CSTPP1: variants seen among roughly 807,000 people sequenced by gnomAD.
CSTPP1 encodes the protein centriolar satellite-associated tubulin polyglutamylase complex regulator 1, also known as UPF0705 protein C11orf49.
At chr11:47,100,708 T>A in the CSTPP1 span, among the ~76,000 whole-genome samples, 1 of 152,144 alleles carries the variant, frequency 6.6e-6, no homozygotes, top group Non-Finnish European at 1.5e-5. Context: ...CAAGAATCGC[T>A]TAAACCCAGA....
the CSTPP1 span, among the ~76,000 whole-genome samples, chr11:46,938,780 C>CT: frequency 0.58 from 71,808 of 123,666 alleles, 24,099 homozygotes; most frequent in Non-Finnish European, 0.76. Flanking sequence ...TTTTCTTCTT[C>CT]TTTTTTTTTT....
chr11:47,037,964 C>G, the CSTPP1 span, among the ~76,000 whole-genome samples: 1 of 115,964 alleles, frequency 8.6e-6, no homozygotes, highest in Middle Eastern at 4.4e-3. Context: ...TAGGGGCGGC[C>G]GGGCAGAGGG....
chr11:47,088,742 C>T, the CSTPP1 span, among the ~76,000 whole-genome samples: 1 of 152,180 alleles, frequency 6.6e-6, no homozygotes, highest in South Asian at 2.1e-4. Context: ...GATGGGGTTT[C>T]ACCATATTGT....
the CSTPP1 span, chr11:47,040,976 G>C: frequency 6.2e-5 from 9 of 144,570 alleles, 3 homozygotes; most frequent in Non-Finnish European, 9.5e-5. Flanking sequence ...GGTGGGGAAG[G>C]TGAAGGTTGG....
At chr11:47,032,977 AAAGT>A in the CSTPP1 span, among the ~76,000 whole-genome samples, 12 of 152,240 alleles carry the variant, frequency 7.9e-5, no homozygotes, top group Non-Finnish European at 1.6e-4. Flanking sequence ...TTCCTACAAC[AAAGT>A]AAGCTAGAGA....
At chr11:46,945,218 A>C in the CSTPP1 span, among the ~76,000 whole-genome samples, 173 of 152,254 alleles carry the variant, frequency 1.1e-3, no homozygotes, top group African/African-American at 3.8e-3. Flanking sequence ...TAGGGCCTTA[A>C]AGTGTTTGGT....
At chr11:47,048,468 TA>T in the CSTPP1 span, among the ~76,000 whole-genome samples, 7 of 151,884 alleles carry the variant, frequency 4.6e-5, no homozygotes, top group African/African-American at 7.3e-5. Context: ...CTCTATTATT[TA>T]AAAATTATGA....
chr11:47,158,689 C>T, the CSTPP1 span, among the ~76,000 whole-genome samples: 1 of 152,150 alleles, frequency 6.6e-6, no homozygotes, highest in African/African-American at 2.4e-5. Context: ...GCATGCGCCA[C>T]CATCCTGGAA....
chr11:46,973,015 A>G, the CSTPP1 span, among the ~76,000 whole-genome samples: 1 of 152,198 alleles, frequency 6.6e-6, no homozygotes, highest in Admixed American at 6.5e-5. Flanking sequence ...CACTGGTAAT[A>G]TGGAGATAAT....
the CSTPP1 span, among the ~76,000 whole-genome samples, chr11:47,061,686 CCTCTT>C: frequency 6.6e-6 from 1 of 152,190 alleles, no homozygotes; most frequent in Admixed American, 6.5e-5. Flanking sequence ...CAGTGCATCT[CCTCTT>C]CTCATTTTCT....
At chr11:46,964,357 C>T in the CSTPP1 span, among the ~76,000 whole-genome samples, 5 of 151,590 alleles carry the variant, frequency 3.3e-5, no homozygotes, top group South Asian at 1.0e-3. Context: ...GCGATTTCGG[C>T]TCACTGGAAG....
chr11:47,096,259 G>T, the CSTPP1 span, among the ~76,000 whole-genome samples: 1 of 152,032 alleles, frequency 6.6e-6, no homozygotes, highest in East Asian at 1.9e-4. Flanking sequence ...CAATTCAATG[G>T]TATTAAGTAC....
chr11:46,986,709 C>T, the CSTPP1 span, among the ~76,000 whole-genome samples: 1 of 152,132 alleles, frequency 6.6e-6, no homozygotes, highest in African/African-American at 2.4e-5. Context: ...CTCAAGTGAT[C>T]CACCCGCCTC....
At chr11:47,064,244 AT>A in the CSTPP1 span, among the ~76,000 whole-genome samples, 1 of 150,546 alleles carries the variant, frequency 6.6e-6, no homozygotes, top group East Asian at 1.9e-4. Context: ...TGATTTGCAA[AT>A]TTTTTTTCTG....
At chr11:47,026,420 G>A in the CSTPP1 span, among the ~76,000 whole-genome samples, 1 of 152,098 alleles carries the variant, frequency 6.6e-6, no homozygotes, top group Non-Finnish European at 1.5e-5. Flanking sequence ...ACAAATTAGA[G>A]ATTTACGGTA....
the CSTPP1 span, among the ~76,000 whole-genome samples, chr11:47,158,662 A>G: frequency 1.3e-5 from 2 of 152,096 alleles, no homozygotes; most frequent in Non-Finnish European, 1.5e-5. Context: ...CAGCCTCCCT[A>G]GTAGCTGGGA....
At chr11:47,092,693 G>T in the CSTPP1 span, among the ~76,000 whole-genome samples, 2 of 152,036 alleles carry the variant, frequency 1.3e-5, no homozygotes, top group Non-Finnish European at 2.9e-5. Context: ...CTAACATCCA[G>T]TCCAGTGCAA....
At chr11:47,121,889 T>C in the CSTPP1 span, among the ~76,000 whole-genome samples, 1 of 150,696 alleles carries the variant, frequency 6.6e-6, no homozygotes, top group African/African-American at 2.4e-5. Flanking sequence ...CTGGGCAACA[T>C]AGTAAACACA....
chr11:47,028,941 C>G, the CSTPP1 span, among the ~76,000 whole-genome samples: 1 of 151,932 alleles, frequency 6.6e-6, no homozygotes, highest in East Asian at 1.9e-4. Flanking sequence ...GGGCTCAAGC[C>G]GTCTTCCCAT....
Sources: allele counts gnomAD v4.1 joint callset (sites outside exome capture counted in the v4.1 genomes callset), GRCh38; gene constraint gnomAD v4.1.1; transcripts MANE v1.5; gene names NCBI Gene and HGNC (gene_info 2026-07-23, HGNC 2026-07-21).